The following DACH2 variants were observed in gnomAD, a reference collection of about 807,000 sequenced individuals.
DACH2 encodes dachshund homolog 2.
DACH2 carries 17 observed loss-of-function variants against 35.8 expected under a neutral mutation model. That is an observed-to-expected ratio of 0.48 (90% CI 0.33 to 0.71). DACH2 has a LOEUF of 0.71. DACH2 is among the 30% of genes least tolerant of loss of function. The pLI is 0.02. For synonymous variants in DACH2, 195 were observed against 177.3 expected, an observed-to-expected ratio of 1.10 and a Z score of -0.79; for missense variants, 469 against 472.7, an observed-to-expected ratio of 0.99 and a Z score of 0.07.
chrX:86,251,358 A>T (rs1213331810), intron 1 of DACH2, among the ~76,000 whole-genome samples: 1 of 110,737 alleles, frequency 9.0e-6, no homozygotes, highest in East Asian at 2.8e-4. Context: ...TTATTTCCAT[A>T]GGTTTTTGGG....
chrX:86,365,565 A>G (rs2035795664), intron 1 of DACH2, among the ~76,000 whole-genome samples: 1 of 111,718 alleles, frequency 9.0e-6, no homozygotes, highest in Non-Finnish European at 1.9e-5. Context: ...GTATTTGGGA[A>G]ATAATAAGCA....
intron 2 of DACH2, among the ~76,000 whole-genome samples, chrX:86,411,457 C>A (rs1368517401): frequency 9.0e-6 from 1 of 110,547 alleles, no homozygotes; most frequent in Non-Finnish European, 1.9e-5. Flanking sequence ...TCAACTTGAA[C>A]CCATACACAT....
At chrX:86,308,561 C>A (rs943646808) in intron 1 of DACH2, among the ~76,000 whole-genome samples, 1 of 111,949 alleles carries the variant, frequency 8.9e-6, no homozygotes, top group African/African-American at 3.3e-5. Context: ...AATCATGGCC[C>A]CTTAATCAAT....
At chrX:86,390,663 C>A (rs1415435728) in intron 2 of DACH2, among the ~76,000 whole-genome samples, 1 of 110,469 alleles carries the variant, frequency 9.1e-6, no homozygotes, top group Non-Finnish European at 1.9e-5. Flanking sequence ...GATCTCAGCT[C>A]ACTGCAACCT....
chrX:86,716,078 A>G (rs142387573), intron 6 of DACH2, among the ~76,000 whole-genome samples: 24 of 111,855 alleles, frequency 2.1e-4, no homozygotes, highest in African/African-American at 3.9e-4. Flanking sequence ...TAAAACACCA[A>G]GTGGAAGCAT....
At chrX:86,760,395 A>T (rs190109940) in intron 7 of DACH2, among the ~76,000 whole-genome samples, 118 of 111,550 alleles carry the variant, frequency 1.1e-3, no homozygotes, top group African/African-American at 3.6e-3. Context: ...ATACTTTTTC[A>T]ATTCTTTTTT....
intron 1 of DACH2, among the ~76,000 whole-genome samples, chrX:86,342,851 C>G (rs2035434952): frequency 9.0e-6 from 1 of 110,972 alleles, no homozygotes; most frequent in Non-Finnish European, 1.9e-5. Context: ...CACAGCCATT[C>G]TAACCCTCAG....
At chrX:86,430,992 T>G (rs1029816575) in intron 2 of DACH2, among the ~76,000 whole-genome samples, 1 of 112,314 alleles carries the variant, frequency 8.9e-6, no homozygotes, top group Non-Finnish European at 1.9e-5. Flanking sequence ...GCATTAATTC[T>G]GTTGTGAGTG....
intron 1 of DACH2, among the ~76,000 whole-genome samples, chrX:86,302,116 A>G (rs995133070): frequency 9.9e-5 from 11 of 111,546 alleles, no homozygotes; most frequent in African/African-American, 3.6e-4. Flanking sequence ...AGGGTTTTAT[A>G]CATATATATT....
chrX:86,750,422 ATTC>A (rs2041760811), intron 7 of DACH2, among the ~76,000 whole-genome samples: 1 of 111,734 alleles, frequency 8.9e-6, no homozygotes, highest in Non-Finnish European at 1.9e-5. Flanking sequence ...TTCTATTATT[ATTC>A]TTTGTTGTAA....
At chrX:86,332,158 T>C (rs964950316) in intron 1 of DACH2, among the ~76,000 whole-genome samples, 2 of 111,517 alleles carry the variant, frequency 1.8e-5, no homozygotes, top group Non-Finnish European at 3.8e-5. Context: ...ACATTGTATG[T>C]GGTAGGTAAA....
At chrX:86,597,832 G>A (rs1425376912) in intron 3 of DACH2, among the ~76,000 whole-genome samples, 1 of 111,577 alleles carries the variant, frequency 9.0e-6, no homozygotes, top group Non-Finnish European at 1.9e-5. Flanking sequence ...TTACTCCAGG[G>A]CTGTAATTTC....
At chrX:86,649,893 T>A (rs904424224) in intron 3 of DACH2, among the ~76,000 whole-genome samples, 4 of 110,992 alleles carry the variant, frequency 3.6e-5, no homozygotes, top group Admixed American at 2.9e-4. Context: ...TTGAATCACG[T>A]TTTTATGGTA....
At chrX:86,375,663 T>C (rs2035953338) in intron 1 of DACH2, among the ~76,000 whole-genome samples, 1 of 107,375 alleles carries the variant, frequency 9.3e-6, no homozygotes, top group African/African-American at 3.4e-5. Context: ...GGCAGTGGAG[T>C]GACAGAACGT....
At chrX:86,425,977 G>A (rs2036887473) in intron 2 of DACH2, among the ~76,000 whole-genome samples, 2 of 111,159 alleles carry the variant, frequency 1.8e-5, no homozygotes, top group Non-Finnish European at 3.8e-5. Context: ...CCTTTAGGAT[G>A]AAAAATTAAC....
intron 1 of DACH2, among the ~76,000 whole-genome samples, chrX:86,242,702 T>C: frequency 9.0e-6 from 1 of 111,373 alleles, no homozygotes; most frequent in Non-Finnish European, 1.9e-5. Flanking sequence ...CCAAATCTCA[T>C]GTCAAATTGT....
intron 5 of DACH2, among the ~76,000 whole-genome samples, chrX:86,708,988 T>TC (rs1395912293): frequency 9.0e-6 from 1 of 111,529 alleles, no homozygotes; most frequent in Non-Finnish European, 1.9e-5. Flanking sequence ...TCCCACTTGA[T>TC]CTATAGATTC....
Position 86,812,918 on chromosome X carries a change from G to C in DACH2, c.1303G>C (p.Gly435Arg). ...CTTGGACAAGATACAGCTGACTCCT[G>C]GGCAGGCATTGCCCGCTGGATTCCC... The part of the protein sequence containing the change: ...SPLDKIQLTP[G>R]QALPAGFPGP... The change falls in exon 8 of 12, where the codon GGG becomes CGG. Residue 435 changes from glycine (G) to arginine (R), a missense_variant. Around this residue, in one of 3 missense-constraint regions of DACH2, gnomAD observed 363 missense variants for 334.4 expected, o/e 1.09. Coordinates refer to ENST00000373125, the MANE Select transcript of DACH2 (RefSeq NM_053281.3). The C allele has an allele frequency of 5.0e-6, 6 of 1,207,398 alleles. No homozygotes were observed. The highest frequency in any genetic ancestry group is 6.7e-6 in the Non-Finnish European group (6 of 892,166).
intron 7 of DACH2, among the ~76,000 whole-genome samples, chrX:86,756,918 T>C (rs889447702): frequency 1.6e-4 from 18 of 111,189 alleles, no homozygotes; most frequent in African/African-American, 5.9e-4. Flanking sequence ...TTATACCTTT[T>C]TTAAGAGTAT....
Sources: gnomAD v4.1 joint callset for allele counts (sites outside exome capture counted in the v4.1 genomes callset) on GRCh38, gnomAD v4.1.1 for gene constraint, gnomAD v4.1.1 regional missense constraint, MANE v1.5 for transcripts, NCBI Gene and HGNC (gene_info 2026-07-23, HGNC 2026-07-21) for gene names.